The following DSCAM variants were observed in gnomAD, a reference collection of about 807,000 sequenced individuals.
DSCAM encodes the protein DS cell adhesion molecule, also known as cell adhesion molecule DSCAM.
A neutral mutation model predicts 217.7 loss-of-function variants in DSCAM; 47 were observed. The observed-to-expected ratio is 0.22, with a 90% CI of 0.17 to 0.28. The LOEUF (loss-of-function observed/expected upper bound fraction) is 0.28, where lower values mean the gene tolerates loss of function less well. DSCAM is among the 10% of genes least tolerant of loss of function. The pLI, the probability that DSCAM is intolerant of heterozygous loss-of-function variation, is 1.00. For synonymous variants in DSCAM, 1,056 were observed against 1,015.3 expected (o/e 1.04, Z -0.76); for missense variants, 2,080 against 2,618.3 (o/e 0.79, Z 4.49).
rs147420134 is a variant in DSCAM at position 40,759,477 on chromosome 21, C to T, written c.44-50706G>A. Among the ~76,000 whole-genome samples, 893 of 152,288 alleles carry T rather than the reference C, an allele frequency of 5.9e-3. 9 individuals carry two copies. The highest frequency in any genetic ancestry group is 0.017 in the Middle Eastern group (5 of 294). On this transcript the variant is annotated intron_variant, in intron 1 of 32. Transcript: ENST00000400454. ...TAAAGTGCACGTGACTCGCTTGTGC[C>T]CTTCTGATCATGGATAAATACCCAT...
At chr21:40,310,948 T>G (rs2074130901) in intron 9 of DSCAM, among the ~76,000 whole-genome samples, 1 of 152,220 alleles carries the variant, frequency 6.6e-6, no homozygotes, top group South Asian at 2.1e-4. Flanking sequence ...TGGAAATTTT[T>G]TTTTTCAGAA....
chr21:40,068,856 C>G (rs982096399), intron 27 of DSCAM, among the ~76,000 whole-genome samples: 1 of 152,094 alleles, frequency 6.6e-6, no homozygotes, highest in Non-Finnish European at 1.5e-5. Flanking sequence ...GAGGCTGAGG[C>G]AGGCGGATCA....
At chr21:40,789,847 G>C (rs1244066750) in intron 1 of DSCAM, among the ~76,000 whole-genome samples, 1 of 152,154 alleles carries the variant, frequency 6.6e-6, no homozygotes, top group Non-Finnish European at 1.5e-5. Flanking sequence ...GAGCCACCGT[G>C]CCCGGCCTCT....
At position 40,032,168 on chromosome 21, in the gene DSCAM, G is replaced by T. The variant is rs550288284; in HGVS notation, c.5686+10203C>A. On this transcript the variant is annotated intron_variant, in intron 32 of 32. Transcript: ENST00000400454. Reference sequence around the variant, plus strand: ...CCCCAGCTAGGGTTCTGCTTCAGGTGGTCCCCAATGTGTGGTTCCTTGTGG... The same window carrying T: ...CCCCAGCTAGGGTTCTGCTTCAGGTTGTCCCCAATGTGTGGTTCCTTGTGG... 4.7e-4 allele frequency among the ~76,000 whole-genome samples: 72 copies of T among 152,270 alleles called. 1 individual carries two copies. The highest frequency in any genetic ancestry group is 4.4e-5 in the Non-Finnish European group (3 of 68,024).
chr21:40,524,934 C>T (rs539687638), intron 3 of DSCAM, among the ~76,000 whole-genome samples: 90 of 143,650 alleles, frequency 6.3e-4, no homozygotes, highest in African/African-American at 2.3e-3. Context: ...TGCTTGAACC[C>T]GGGAGGTGGA....
At chr21:40,636,883 A>C (rs577997704) in intron 3 of DSCAM, among the ~76,000 whole-genome samples, 5 of 150,174 alleles carry the variant, frequency 3.3e-5, no homozygotes, top group Non-Finnish European at 1.5e-5. Flanking sequence ...AGCTAATAAA[A>C]GGTTCATCAG....
intron 21 of DSCAM, 74 bp downstream of exon 21, chr21:40,093,647 T>C (rs776103652): frequency 1.4e-4 from 214 of 1,540,934 alleles, no homozygotes; most frequent in Non-Finnish European, 1.7e-4. Context: ...GTGTAAGTTT[T>C]ATTTCAGGTA....
chr21:40,033,913 G>T (rs1461088627), intron 32 of DSCAM, among the ~76,000 whole-genome samples: 1 of 139,766 alleles, frequency 7.2e-6, no homozygotes, highest in East Asian at 2.1e-4. Context: ...CCCCAGCAGG[G>T]GCAGACTGAC....
At chr21:40,447,666 G>A (rs946732621) in intron 3 of DSCAM, among the ~76,000 whole-genome samples, 11 of 152,116 alleles carry the variant, frequency 7.2e-5, no homozygotes, top group Non-Finnish European at 1.5e-4. Context: ...TCCTTACTGT[G>A]GTTATGGCAA....
intron 3 of DSCAM, among the ~76,000 whole-genome samples, chr21:40,431,193 T>C (rs1203524903): frequency 6.6e-6 from 1 of 152,226 alleles, no homozygotes; most frequent in Non-Finnish European, 1.5e-5. Flanking sequence ...AAATCTCATG[T>C]AATGGGGTGT....
In DSCAM at chr21:40,281,654, T is replaced by C. The variant is rs183685908; in HGVS notation, c.2183-5384A>G. ...TTTTTTCCTCATACATGTATGCTAT[T>C]AAACTTTTAAATCTGCATCAATGCT... On this transcript the variant is annotated intron_variant, in intron 10 of 32. Transcript: ENST00000400454. Among the ~76,000 whole-genome samples, 59 of 152,344 alleles carry C rather than the reference T, an allele frequency of 3.9e-4. 2 individuals carry two copies. Among genetic ancestry groups the C allele is most frequent in the Admixed American group, 3.9e-3 (59 of 15,308 alleles).
intron 9 of DSCAM, among the ~76,000 whole-genome samples, chr21:40,310,823 A>G (rs990560926): frequency 2.0e-5 from 3 of 152,196 alleles, no homozygotes; most frequent in African/African-American, 7.2e-5. Context: ...AAAATTTGGG[A>G]AAAAATCAAG....
chr21:40,260,033 G>C (rs1468527915), intron 11 of DSCAM, among the ~76,000 whole-genome samples: 1 of 152,098 alleles, frequency 6.6e-6, no homozygotes, highest in Non-Finnish European at 1.5e-5. Flanking sequence ...AGCCGAGTCA[G>C]CCATTCTTAA....
intron 1 of DSCAM, among the ~76,000 whole-genome samples, chr21:40,781,992 CAAAAA>C (rs57750960): frequency 3.8e-5 from 4 of 106,400 alleles, no homozygotes; most frequent in African/African-American, 1.1e-4. Context: ...ACTAAAAATA[CAAAAA>C]AAAAAAAAAA....
chr21:40,152,111 A>G (rs926095658), intron 16 of DSCAM, among the ~76,000 whole-genome samples: 4 of 128,746 alleles, frequency 3.1e-5, no homozygotes, highest in African/African-American at 4.3e-5. Flanking sequence ...AAACGTAAGC[A>G]TATGGAAAAA....
chr21:40,755,781 T>C (rs1001337539), intron 1 of DSCAM, among the ~76,000 whole-genome samples: 5 of 152,240 alleles, frequency 3.3e-5, no homozygotes. Flanking sequence ...GATATTCATA[T>C]AGCTTCTATG....
At chr21:40,678,743 C>T (rs2090368197) in intron 3 of DSCAM, among the ~76,000 whole-genome samples, 1 of 152,174 alleles carries the variant, frequency 6.6e-6, no homozygotes, top group African/African-American at 2.4e-5. Context: ...CTATCCATGG[C>T]AGGTTGACAC....
chr21:40,450,709 T>C (rs1422324294), intron 3 of DSCAM, among the ~76,000 whole-genome samples: 1 of 152,218 alleles, frequency 6.6e-6, no homozygotes, highest in Non-Finnish European at 1.5e-5. Context: ...TTACATATGA[T>C]TGTTATTGAA....
chr21:40,671,191 C>T (rs1568975182), intron 3 of DSCAM, among the ~76,000 whole-genome samples: 1 of 152,066 alleles, frequency 6.6e-6, no homozygotes, highest in African/African-American at 2.4e-5. Context: ...ATTTTCCTCA[C>T]CACATGATTT....
Sources: gnomAD v4.1 joint callset for allele counts (sites outside exome capture counted in the v4.1 genomes callset) on GRCh38, gnomAD v4.1.1 for gene constraint, MANE v1.5 for transcripts, NCBI Gene and HGNC (gene_info 2026-07-23, HGNC 2026-07-21) for gene names.